ZC3H8: variants seen among roughly 807,000 people sequenced by gnomAD.
ZC3H8 encodes zinc finger CCCH-type containing 8, also known as zinc finger CCCH domain-containing protein 8.
ZC3H8 carries 27 observed loss-of-function variants against 42.5 expected under a neutral mutation model. The observed-to-expected ratio is 0.64, with a 90% CI of 0.47 to 0.88. The LOEUF is 0.88. ZC3H8 is among the 40% of genes least tolerant of loss of function. ZC3H8 has a pLI of 0.00. For synonymous variants in ZC3H8, 101 were observed against 110.1 expected, an observed-to-expected ratio of 0.92 and a Z score of 0.52; for missense variants, 277 against 336.1, an observed-to-expected ratio of 0.82 and a Z score of 1.37.
At chr2:112,237,015 T>A (rs1685364823) in intron 3 of ZC3H8, among the ~76,000 whole-genome samples, 1 of 152,166 alleles carries the variant, frequency 6.6e-6, no homozygotes, top group South Asian at 2.1e-4. Context: ...GAGCTATGAC[T>A]GCACTGCTGC....
intron 8 of ZC3H8, among the ~76,000 whole-genome samples, chr2:112,220,548 G>A (rs139894800): frequency 0.014 from 2,113 of 152,284 alleles, 28 homozygotes; most frequent in Non-Finnish European, 0.021. Flanking sequence ...AGGGCTGGGC[G>A]CGGTGGCTCA....
intron 1 of ZC3H8, among the ~76,000 whole-genome samples, chr2:112,250,854 T>G (rs991977156): frequency 6.6e-6 from 1 of 152,076 alleles, no homozygotes; most frequent in Non-Finnish European, 1.5e-5. Flanking sequence ...CTTTTGAGAT[T>G]AGGAGCGAGA....
chr2:112,239,579 C>CTTTT (rs200972008), intron 2 of ZC3H8, among the ~76,000 whole-genome samples: 1,524 of 86,192 alleles, frequency 0.018, 22 homozygotes, highest in Non-Finnish European at 0.023. Context: ...TAACAGTTTA[C>CTTTT]TTTTTTTTTT....
chr2:112,226,098 C>G (rs1306351747), intron 8 of ZC3H8, among the ~76,000 whole-genome samples: 3 of 151,064 alleles, frequency 2.0e-5, no homozygotes, highest in Non-Finnish European at 4.4e-5. Flanking sequence ...AAAAGAAAAT[C>G]TTTTTATGAT....
At chr2:112,221,222 G>C (rs549513994) in intron 8 of ZC3H8, among the ~76,000 whole-genome samples, 33 of 152,246 alleles carry the variant, frequency 2.2e-4, no homozygotes, top group African/African-American at 7.9e-4. Context: ...TTGAAGGTGG[G>C]GAGGTGACTG....
chr2:112,221,898 T>C (rs567252511), intron 8 of ZC3H8, among the ~76,000 whole-genome samples: 33 of 152,320 alleles, frequency 2.2e-4, no homozygotes, highest in African/African-American at 7.7e-4. Context: ...TAACCATTGC[T>C]AGGGAACTGG....
At chr2:112,234,833 T>G (rs1404601117) in intron 4 of ZC3H8, among the ~76,000 whole-genome samples, 2 of 151,602 alleles carry the variant, frequency 1.3e-5, no homozygotes, top group Non-Finnish European at 2.9e-5. Context: ...ATGAAAGTGA[T>G]AGTATTTATG....
chr2:112,233,235 C>A (rs1685169110), intron 6 of ZC3H8, 25 bp downstream of exon 6: 1 of 1,290,868 alleles, frequency 7.7e-7, no homozygotes, highest in South Asian at 1.4e-5. Flanking sequence ...TTTATAAAGT[C>A]ACCATATCTT....
intron 2 of ZC3H8, among the ~76,000 whole-genome samples, chr2:112,249,212 G>A (rs938676999): frequency 2.0e-5 from 3 of 152,064 alleles, no homozygotes; most frequent in African/African-American, 4.8e-5. Flanking sequence ...AGGAAATTCA[G>A]ACAATTCAGA....
At chr2:112,223,290 A>G (rs1344493343) in intron 8 of ZC3H8, among the ~76,000 whole-genome samples, 4 of 152,232 alleles carry the variant, frequency 2.6e-5, no homozygotes, top group Non-Finnish European at 4.4e-5. Context: ...AAGAATATTT[A>G]AAGAAGGAAT....
At chr2:112,239,002 T>C (rs1255792245) in intron 2 of ZC3H8, among the ~76,000 whole-genome samples, 2 of 152,244 alleles carry the variant, frequency 1.3e-5, no homozygotes, top group African/African-American at 4.8e-5. Context: ...ACACTTAAGA[T>C]ACATCTAAGC....
At chr2:112,243,949 A>G (rs560090472) in intron 2 of ZC3H8, among the ~76,000 whole-genome samples, 12 of 152,194 alleles carry the variant, frequency 7.9e-5, no homozygotes, top group African/African-American at 2.6e-4. Flanking sequence ...AACAAGAATA[A>G]GATCTTAGTT....
At position 112,214,235 on chromosome 2, in the gene ZC3H8, C is replaced by G. The variant is rs543735580; in HGVS notation, c.*2249G>C. The G allele has an allele frequency of 5.0e-4, 76 of 152,180 alleles. No homozygotes were observed. Among genetic ancestry groups the G allele is most frequent in the African/African-American group, 1.8e-3 (73 of 41,502 alleles). The allele number at this position is 152,180 out of a possible 1,614,324, so 9.4% of individuals were successfully genotyped here. A position where few individuals can be genotyped will look rare whatever the true frequency, so the allele number is the denominator to read the frequency against. ...TGCTGGGATTACAGGTGTGAGCCAC[C>G]GCGCCCAGCTAAGAATTGTTTTTAT... is the stretch of plus-strand genomic sequence containing the variant. On this transcript the variant is annotated 3_prime_UTR_variant, in exon 9 of 9. Transcript: ENST00000409573.
chr2:112,248,437 T>C (rs1390828030), intron 2 of ZC3H8, among the ~76,000 whole-genome samples: 1 of 152,178 alleles, frequency 6.6e-6, no homozygotes, highest in Non-Finnish European at 1.5e-5. Context: ...TTAAAGTCTA[T>C]TTCTGTCTTA....
intron 8 of ZC3H8, among the ~76,000 whole-genome samples, chr2:112,226,607 C>CAAAAAAAAAA (rs1684854371): frequency 1.9e-5 from 1 of 53,198 alleles, no homozygotes; most frequent in African/African-American, 9.5e-5. Flanking sequence ...AAAAAAAAAG[C>CAAAAAAAAAA]TCAGGCCCAG....
At chr2:112,220,510 T>G (rs536376449) in intron 8 of ZC3H8, among the ~76,000 whole-genome samples, 103 of 152,252 alleles carry the variant, frequency 6.8e-4, no homozygotes, top group African/African-American at 2.3e-3. Context: ...TGCTGATAGG[T>G]CTGCTGTTAG....
At position 112,233,930 on chromosome 2, in the gene ZC3H8, C is replaced by T. The variant is rs796327765; in HGVS notation, c.621+190G>A. 1.4e-4 allele frequency among the ~76,000 whole-genome samples: 21 copies of T among 152,272 alleles called. 1 individual carries two copies. The highest frequency in any genetic ancestry group is 5.1e-4 in the African/African-American group (21 of 41,554). ...GACTCAGGTGATCCACCCACGTCGG[C>T]CTCCCAAACTGCTGGGATTACAGGC... On this transcript the variant is annotated intron_variant, in intron 5 of 8. Transcript: ENST00000409573.
intron 1 of ZC3H8, among the ~76,000 whole-genome samples, chr2:112,252,595 C>T (rs1386814138): frequency 1.3e-5 from 2 of 152,156 alleles, no homozygotes; most frequent in Non-Finnish European, 2.9e-5. Context: ...CCAGTTCCTC[C>T]ATGATTGGGC....
At chr2:112,223,920 A>C (rs1204334649) in intron 8 of ZC3H8, among the ~76,000 whole-genome samples, 1 of 152,204 alleles carries the variant, frequency 6.6e-6, no homozygotes, top group Non-Finnish European at 1.5e-5. Flanking sequence ...AGGCAGGTGG[A>C]TCATTTGAGG....
Sources: allele counts gnomAD v4.1 joint callset (sites outside exome capture counted in the v4.1 genomes callset), GRCh38; gene constraint gnomAD v4.1.1; transcripts MANE v1.5; gene names NCBI Gene and HGNC (gene_info 2026-07-23, HGNC 2026-07-21).